PPP4R3B: variants seen among roughly 807,000 people sequenced by gnomAD.
PPP4R3B encodes protein phosphatase 4 regulatory subunit 3B.
Under a neutral mutation model 95.4 loss-of-function variants are expected in PPP4R3B, and 52 were observed. That is an observed-to-expected ratio of 0.54 (90% CI 0.44 to 0.69). The LOEUF (loss-of-function observed/expected upper bound fraction) is 0.69. PPP4R3B is among the 30% of genes least tolerant of loss of function. PPP4R3B has a pLI of 0.00. For synonymous variants in PPP4R3B, 407 were observed against 343.9 expected, an observed-to-expected ratio of 1.18 and a Z score of -2.03; for missense variants, 1,003 against 1,005.9, an observed-to-expected ratio of 1.00 and a Z score of 0.04.
chr2:55,594,677 T>C (rs935764801), intron 4 of PPP4R3B, among the ~76,000 whole-genome samples: 2 of 152,204 alleles, frequency 1.3e-5, no homozygotes, highest in Admixed American at 1.3e-4. Context: ...CCTCTTTTTA[T>C]CAACTACAGA....
At chr2:55,597,321 A>G (rs1250749237) in intron 4 of PPP4R3B, among the ~76,000 whole-genome samples, 1 of 151,966 alleles carries the variant, frequency 6.6e-6, no homozygotes, top group Non-Finnish European at 1.5e-5. Context: ...ACCCCCCTCT[A>G]CTAAAAATAC....
intron 9 of PPP4R3B, among the ~76,000 whole-genome samples, chr2:55,579,282 G>A (rs1689117736): frequency 6.6e-6 from 1 of 152,060 alleles, no homozygotes; most frequent in South Asian, 2.1e-4. Flanking sequence ...TGGAGGCTAA[G>A]TTAAAATATT....
chr2:55,603,662 T>C (rs113305358), intron 3 of PPP4R3B, among the ~76,000 whole-genome samples: 1 of 152,220 alleles, frequency 6.6e-6, no homozygotes, highest in Non-Finnish European at 1.5e-5. Context: ...TTTATGTTTT[T>C]AATCTAAAAG....
intron 11 of PPP4R3B, among the ~76,000 whole-genome samples, chr2:55,574,961 G>A (rs1328527856): frequency 2.4e-4 from 30 of 126,510 alleles, no homozygotes; most frequent in African/African-American, 8.0e-4. Flanking sequence ...TTTTTGAGAC[G>A]GAGTCTCACT....
chr2:55,605,480 CTTCTTATT>C (rs1693248477), intron 2 of PPP4R3B, among the ~76,000 whole-genome samples: 2 of 152,166 alleles, frequency 1.3e-5, no homozygotes, highest in Non-Finnish European at 2.9e-5. Flanking sequence ...CAGATTAATA[CTTCTTATT>C]TTCTGTGTAA....
intron 2 of PPP4R3B, among the ~76,000 whole-genome samples, chr2:55,605,095 C>A (rs1040019697): frequency 1.3e-5 from 2 of 152,088 alleles, no homozygotes; most frequent in African/African-American, 4.8e-5. Context: ...CCTCGACCTC[C>A]CAAAGTGCTG....
Position 55,598,718 on chromosome 2 carries a change from C to G in PPP4R3B, c.619G>C (p.Ala207Pro), listed in dbSNP as rs1313601206. ...IIRGILFLNKATLFEVMFSDE... is the reference protein window; with the variant it reads ...IIRGILFLNKPTLFEVMFSDE... ...GAAAACATTACCTCAAAAAGAGTTG[C>G]CTTATTTAGGAATAAGATTCCTCTA... The change falls in exon 4 of 17, where the codon GCA becomes CCA. Residue 207 changes from alanine (A) to proline (P), a missense_variant. Around this residue, in one of 3 missense-constraint regions of PPP4R3B, gnomAD observed 695 missense variants for 686.2 expected, o/e 1.01. Coordinates refer to ENST00000616407, the MANE Select transcript of PPP4R3B (RefSeq NM_001122964.3). The G allele has an allele frequency of 1.2e-6, 2 of 1,614,174 alleles. No homozygotes were observed. The highest frequency in any genetic ancestry group is 1.7e-6 in the Non-Finnish European group (2 of 1,180,028).
rs1198521058 is a variant in PPP4R3B, at chr2:55,603,103, C to A, written c.297+875G>T. Among the ~76,000 whole-genome samples, 3 of 152,124 alleles carry A rather than the reference C, an allele frequency of 2.0e-5. No homozygotes were observed. In the East Asian group the frequency reaches 5.8e-4, roughly 29 times the overall value. Reference sequence around the variant, plus strand: ...TAGTGGCTGGGACTACAGGCATGCGCTACCACGCCCAGCTAATTTTTGTAC... The same window carrying A: ...TAGTGGCTGGGACTACAGGCATGCGATACCACGCCCAGCTAATTTTTGTAC... On this transcript the variant is annotated intron_variant, in intron 3 of 16. Transcript: ENST00000616407.
intron 12 of PPP4R3B, among the ~76,000 whole-genome samples, chr2:55,569,617 G>A (rs770511697): frequency 3.1e-4 from 47 of 152,154 alleles, no homozygotes; most frequent in Non-Finnish European, 1.3e-4. Context: ...GCAGGGAGGA[G>A]CCCCCTGTCC....
At chr2:55,558,728 TCA>T in intron 16 of PPP4R3B, 45 bp downstream of exon 16, 1 of 1,361,702 alleles carries the variant, frequency 7.3e-7, no homozygotes, top group Non-Finnish European at 9.7e-7. Context: ...TGAAAAAATC[TCA>T]CAGACGGGAA....
chr2:55,581,816 G>C (rs1333164857), intron 7 of PPP4R3B, 118 bp from the exon 8 acceptor site: 1 of 1,060,292 alleles, frequency 9.4e-7, no homozygotes. Flanking sequence ...ACGAAGAATG[G>C]AATAGCTTAT....
In PPP4R3B at chr2:55,549,757, T is replaced by C; in HGVS notation, c.*154A>G. On this transcript the variant is annotated 3_prime_UTR_variant, in exon 17 of 17. Transcript: ENST00000616407. The stretch of plus-strand genomic sequence containing the variant: ...AAGTTCCTGGGAAGCCTGATTTTTA[T>C]TAGAACTAAACTCTCTTAGCTGATA... 1 of 603,310 alleles carries C rather than the reference T, an allele frequency of 1.7e-6. No homozygotes were observed. Among genetic ancestry groups the C allele is most frequent in the South Asian group, 2.2e-5 (1 of 46,182 alleles). 37.4% of individuals were successfully genotyped at this position (603,310 alleles called of 1,614,324 possible).
intron 16 of PPP4R3B, among the ~76,000 whole-genome samples, chr2:55,557,545 T>G (rs188132788): frequency 6.6e-6 from 1 of 152,306 alleles, no homozygotes; most frequent in East Asian, 1.9e-4. Context: ...GAAAACTAAT[T>G]TTAAAATTTT....
chr2:55,613,809 TAA>T (rs200188103), intron 2 of PPP4R3B, among the ~76,000 whole-genome samples: 3,771 of 141,832 alleles, frequency 0.027, 60 homozygotes, highest in Middle Eastern at 0.041. Context: ...GGAAATATGG[TAA>T]AAAAAAAAAA....
At chr2:55,602,274 TA>T (rs1434065377) in intron 3 of PPP4R3B, among the ~76,000 whole-genome samples, 2 of 152,310 alleles carry the variant, frequency 1.3e-5, no homozygotes, top group Non-Finnish European at 2.9e-5. Flanking sequence ...AATCCTACGC[TA>T]AATGTAGATG....
intron 4 of PPP4R3B, among the ~76,000 whole-genome samples, chr2:55,594,782 C>G (rs1691535557): frequency 6.6e-6 from 1 of 152,082 alleles, no homozygotes; most frequent in Non-Finnish European, 1.5e-5. Context: ...TAAAAATACA[C>G]AGGTCCTATA....
chr2:55,561,401 C>A (rs983270031), intron 15 of PPP4R3B, among the ~76,000 whole-genome samples: 1 of 152,228 alleles, frequency 6.6e-6, no homozygotes. Context: ...GGAGCCCCCA[C>A]ATAGAGTCCC....
intron 15 of PPP4R3B, among the ~76,000 whole-genome samples, chr2:55,560,404 C>G (rs1357285831): frequency 6.6e-6 from 1 of 152,170 alleles, no homozygotes; most frequent in Admixed American, 6.5e-5. Flanking sequence ...TGCCCCTGCC[C>G]TAGAGATCTG....
chr2:55,578,868 G>A (rs754910085), intron 9 of PPP4R3B, among the ~76,000 whole-genome samples: 1 of 151,984 alleles, frequency 6.6e-6, no homozygotes, highest in Non-Finnish European at 1.5e-5. Flanking sequence ...ACATATTTCT[G>A]ATTTCACTAA....
Sources: allele counts gnomAD v4.1 joint callset (sites outside exome capture counted in the v4.1 genomes callset), GRCh38; gene constraint gnomAD v4.1.1; regional missense constraint gnomAD v4.1.1; transcripts MANE v1.5; gene names NCBI Gene and HGNC (gene_info 2026-07-23, HGNC 2026-07-21).